The following PPM1L variants were observed in gnomAD, a reference collection of about 807,000 sequenced individuals.
PPM1L encodes the protein protein phosphatase 1L.
Under a neutral mutation model 31.4 loss-of-function variants are expected in PPM1L, and 13 were observed. That is an observed-to-expected ratio of 0.41 (90% CI 0.27 to 0.66). The LOEUF is 0.66. PPM1L is among the 30% of genes least tolerant of loss of function. The probability of loss-of-function intolerance (pLI) is 0.29; values close to 1 mark genes in which losing one functional copy is unlikely to be tolerated. For synonymous variants in PPM1L, 184 were observed against 175.4 expected (o/e 1.05, Z -0.39); for missense variants, 326 against 453.7 (o/e 0.72, Z 2.56).
intron 2 of PPM1L, among the ~76,000 whole-genome samples, chr3:161,021,209 A>G (rs1004105975): frequency 3.3e-5 from 5 of 151,982 alleles, no homozygotes; most frequent in Non-Finnish European, 5.9e-5. Context: ...GCTGTATCCC[A>G]TAAGTTTTGG....
intron 1 of PPM1L, among the ~76,000 whole-genome samples, chr3:160,808,404 T>TGTGCGCGCGCGCGC (rs1328676470): frequency 6.7e-6 from 1 of 148,276 alleles, no homozygotes; most frequent in Admixed American, 6.7e-5. Flanking sequence ...TGTGTGTGTG[T>TGTGCGCGCGCGCGC]GTGTGTGTGT....
intron 3 of PPM1L, 70 bp from the exon 4 acceptor site, chr3:161,068,741 C>G (rs557037424): frequency 1.5e-6 from 2 of 1,328,262 alleles, no homozygotes; most frequent in Non-Finnish European, 2.1e-6. Context: ...CTGTTGCGCA[C>G]GTACCTAGAC....
chr3:160,802,408 T>G (rs1469447439), intron 1 of PPM1L, among the ~76,000 whole-genome samples: 1 of 152,176 alleles, frequency 6.6e-6, no homozygotes, highest in Non-Finnish European at 1.5e-5. Flanking sequence ...TTTCATGGTG[T>G]TGATGTGACT....
intron 1 of PPM1L, among the ~76,000 whole-genome samples, chr3:160,840,132 G>A (rs1713826848): frequency 6.6e-6 from 1 of 152,100 alleles, no homozygotes; most frequent in Non-Finnish European, 1.5e-5. Context: ...AATGGTAAGT[G>A]GTGTTTCTCA....
chr3:160,861,127 G>A (rs144164831), intron 1 of PPM1L, among the ~76,000 whole-genome samples: 2 of 152,276 alleles, frequency 1.3e-5, no homozygotes, highest in East Asian at 3.9e-4. Flanking sequence ...CATCAGTGGC[G>A]CAGCTGGGAA....
At chr3:160,964,858 C>T (rs1716084021) in intron 2 of PPM1L, among the ~76,000 whole-genome samples, 1 of 151,862 alleles carries the variant, frequency 6.6e-6, no homozygotes, top group South Asian at 2.1e-4. Flanking sequence ...CTCCATAACC[C>T]ATACGTTAAT....
At chr3:160,870,454 C>T (rs1712264348) in intron 1 of PPM1L, 2 of 152,320 alleles carry the variant, frequency 1.3e-5, no homozygotes, top group South Asian at 4.1e-4. Context: ...TTAGGAGCCC[C>T]TTGCTCTGGT....
chr3:161,065,671 G>T (rs1310136199), intron 3 of PPM1L, 107 bp downstream of exon 3: 4 of 943,532 alleles, frequency 4.2e-6, no homozygotes, highest in Non-Finnish European at 6.3e-6. Context: ...GTATTAGAGA[G>T]GCTGCTACTG....
intron 1 of PPM1L, among the ~76,000 whole-genome samples, chr3:160,893,271 C>T (rs1713215662): frequency 6.6e-6 from 1 of 152,108 alleles, no homozygotes; most frequent in African/African-American, 2.4e-5. Context: ...AGGCAGGGAA[C>T]CAATATAGGG....
intron 3 of PPM1L, among the ~76,000 whole-genome samples, chr3:161,067,698 A>G (rs1288135657): frequency 6.6e-6 from 1 of 152,216 alleles, no homozygotes; most frequent in East Asian, 1.9e-4. Flanking sequence ...ACAGCTAGTG[A>G]ATGGTGAGAC....
rs1715968354 is a variant in PPM1L, at chr3:160,961,683, C to CT, written c.400-52dup. On this transcript the variant is annotated intron_variant, in intron 1 of 3. Coordinates refer to ENST00000498165, the MANE Select transcript of PPM1L (RefSeq NM_139245.4). ...TAGCACCTGAGGGTAAGTAAAAAGT[C>CT]TAAGGGGAGAATTTCTAATGGAGTT... 4.0e-6 allele frequency: 6 copies of CT among 1,501,326 alleles called. No homozygotes were observed. In the Admixed American group the frequency reaches 1.2e-4, roughly 29 times the overall value. 93.0% of individuals were successfully genotyped at this position (1,501,326 alleles called of 1,614,324 possible).
At position 160,758,514 on chromosome 3, in the gene PPM1L, G is replaced by T. The variant is rs1051478449; in HGVS notation, c.399+1807G>T. 2.0e-5 allele frequency among the ~76,000 whole-genome samples: 3 copies of T among 152,178 alleles called. No homozygotes were observed. The East Asian group carries it at 5.8e-4, about 29-fold the overall frequency. On this transcript the variant is annotated intron_variant, in intron 1 of 3. Coordinates refer to ENST00000498165, the MANE Select transcript of PPM1L (RefSeq NM_139245.4). The stretch of plus-strand genomic sequence containing the variant: ...TTAAAGATTTGGTTGTAATAGTAAT[G>T]TGGTGAAATTTTGGGTTGTGGTTGT...
Position 160,961,732 on chromosome 3 carries a change from G to C in PPM1L, c.400-4G>C. ...TTCTCTCTCTCTGACTGTTTTATCT[G>C]CAGACTGCAGCTGAATATGTAAAAT... On this transcript the variant is annotated splice_region_variant and splice_polypyrimidine_tract_variant and intron_variant, in intron 1 of 3. Transcript: ENST00000498165. 6.4e-7 allele frequency: 1 copy of C among 1,571,138 alleles called. No individual in the cohort carries two copies. Among genetic ancestry groups the C allele is most frequent in the Non-Finnish European group, 8.6e-7 (1 of 1,165,106 alleles).
At chr3:160,892,109 G>A (rs571608673) in intron 1 of PPM1L, among the ~76,000 whole-genome samples, 4 of 152,106 alleles carry the variant, frequency 2.6e-5, no homozygotes, top group African/African-American at 4.8e-5. Flanking sequence ...ACAAACCTGC[G>A]CGTTCTTCAC....
intron 1 of PPM1L, among the ~76,000 whole-genome samples, chr3:160,896,664 A>C (rs766189366): frequency 4.6e-5 from 7 of 152,204 alleles, no homozygotes; most frequent in Non-Finnish European, 8.8e-5. Context: ...AAGTGTTTTA[A>C]AATGATAAGT....
At position 160,782,795 on chromosome 3, in the gene PPM1L, T is replaced by G. The variant is rs138280967; in HGVS notation, c.399+26088T>G. Among the ~76,000 whole-genome samples the G allele has an allele frequency of 9.2e-5, 14 of 152,348 alleles. 1 individual carries two copies. Among genetic ancestry groups the G allele is most frequent in the African/African-American group, 3.1e-4 (13 of 41,594 alleles). On this transcript the variant is annotated intron_variant, in intron 1 of 3. Coordinates refer to ENST00000498165, the MANE Select transcript of PPM1L (RefSeq NM_139245.4). ...TAAAAAAAGAGTTCTTTGTCATCCT[T>G]TCACTTTAGAGTTTATGCTTCAAAT...
chr3:160,798,506 T>G (rs774566689), intron 1 of PPM1L, among the ~76,000 whole-genome samples: 12 of 152,180 alleles, frequency 7.9e-5, no homozygotes, highest in Non-Finnish European at 1.6e-4. Context: ...CTGCTTATGC[T>G]CTCGAAATGG....
intron 2 of PPM1L, among the ~76,000 whole-genome samples, chr3:160,973,853 T>C (rs976506212): frequency 3.5e-4 from 51 of 143,774 alleles, no homozygotes; most frequent in South Asian, 1.1e-3. Flanking sequence ...CTAGTTTTTC[T>C]TTTTTTTTCT....
chr3:160,999,895 G>A (rs1382747984), intron 2 of PPM1L, among the ~76,000 whole-genome samples: 1 of 152,200 alleles, frequency 6.6e-6, no homozygotes, highest in African/African-American at 2.4e-5. Context: ...AAAAGAGACA[G>A]TATGCATACA....
Sources: gnomAD v4.1 joint callset for allele counts (sites outside exome capture counted in the v4.1 genomes callset) on GRCh38, gnomAD v4.1.1 for gene constraint, MANE v1.5 for transcripts, NCBI Gene and HGNC (gene_info 2026-07-23, HGNC 2026-07-21) for gene names.